The following LRBA variants were observed in gnomAD, a reference collection of about 807,000 sequenced individuals.
The protein encoded by LRBA is LPS responsive beige-like anchor protein.
LRBA carries 176 observed loss-of-function variants against 330.0 expected under a neutral mutation model. That is an observed-to-expected ratio of 0.53 (90% CI 0.47 to 0.60). The LOEUF (loss-of-function observed/expected upper bound fraction) is 0.60, where lower values mean the gene tolerates loss of function less well. LRBA is among the 20% of genes least tolerant of loss of function. LRBA has a pLI of 0.00. For synonymous variants in LRBA, 1,230 were observed against 1,193.0 expected (o/e 1.03, Z -0.64); for missense variants, 3,259 against 3,444.8 (o/e 0.95, Z 1.35).
chr4:150,828,922 G>GGTGTGTGTGTGTGTGT (rs753950457), intron 29 of LRBA, among the ~76,000 whole-genome samples: 35 of 106,176 alleles, frequency 3.3e-4, no homozygotes, highest in African/African-American at 9.0e-4. Context: ...CTTTTTTGGG[G>GGTGTGTGTGTGTGTGT]GTGTGTGTGT....
At chr4:150,852,992 C>T in intron 22 of LRBA, 49 bp from the exon 23 acceptor site, 1 of 1,083,518 alleles carries the variant, frequency 9.2e-7, no homozygotes, top group South Asian at 2.0e-5. Context: ...GAAATGAAGA[C>T]AGAATACAAA....
At chr4:150,382,247 C>G (rs867574886) in intron 47 of LRBA, among the ~76,000 whole-genome samples, 2 of 152,130 alleles carry the variant, frequency 1.3e-5, no homozygotes, top group African/African-American at 4.8e-5. Flanking sequence ...AAAATTGGCT[C>G]TAGCCTATCA....
At chr4:150,865,346 C>A (rs950103271) in intron 22 of LRBA, among the ~76,000 whole-genome samples, 5 of 152,116 alleles carry the variant, frequency 3.3e-5, no homozygotes, top group African/African-American at 9.7e-5. Context: ...GGGGCCATGT[C>A]GTTGATGTAA....
intron 28 of LRBA, among the ~76,000 whole-genome samples, chr4:150,843,734 C>G (rs1167292791): frequency 5.3e-5 from 8 of 152,138 alleles, no homozygotes; most frequent in Admixed American, 3.3e-4. Context: ...TTTATCAACA[C>G]TAGCTTGGAG....
At chr4:150,557,379 G>T (rs899348706) in intron 40 of LRBA, among the ~76,000 whole-genome samples, 1 of 151,972 alleles carries the variant, frequency 6.6e-6, no homozygotes, top group African/African-American at 2.4e-5. Context: ...AAGAAGACGC[G>T]ATATGGGAAA....
intron 55 of LRBA, among the ~76,000 whole-genome samples, chr4:150,279,349 T>C (rs1262243858): frequency 6.6e-6 from 1 of 152,208 alleles, no homozygotes; most frequent in Non-Finnish European, 1.5e-5. Context: ...AGCCTTGCTT[T>C]CTTAGCTTAT....
chr4:150,816,431 C>T (rs1744600656), intron 31 of LRBA, among the ~76,000 whole-genome samples: 1 of 151,824 alleles, frequency 6.6e-6, no homozygotes, highest in African/African-American at 2.4e-5. Context: ...TTCAAGTTTA[C>T]CCAGTATCAC....
At chr4:150,849,727 C>T in intron 24 of LRBA, 152 bp from the exon 25 acceptor site, 1 of 618,708 alleles carries the variant, frequency 1.6e-6, no homozygotes, top group Non-Finnish European at 2.9e-6. Flanking sequence ...GTGTATACTT[C>T]TTCAGAAGAA....
chr4:150,301,577 AG>A (rs1729685293), intron 53 of LRBA, among the ~76,000 whole-genome samples: 2 of 150,954 alleles, frequency 1.3e-5, no homozygotes, highest in African/African-American at 2.4e-5. Context: ...ACATTATACT[AG>A]CATTTGACTA....
At chr4:150,809,468 G>C (rs911911833) in intron 31 of LRBA, among the ~76,000 whole-genome samples, 2 of 152,156 alleles carry the variant, frequency 1.3e-5, no homozygotes, top group African/African-American at 4.8e-5. Context: ...TATGTCAAAG[G>C]ACAATGAAGC....
rs1261598688 is a variant in LRBA at position 150,264,685 on chromosome 4, T to C, written c.*1037A>G. Reference sequence around the variant, plus strand: ...TCACAACATACAAAGAATTTATTTATGCAATACAGGCCTTTTCTCAAATAT... The same window carrying C: ...TCACAACATACAAAGAATTTATTTACGCAATACAGGCCTTTTCTCAAATAT... On this transcript the variant is annotated 3_prime_UTR_variant, in exon 57 of 57. Coordinates refer to ENST00000651943, the MANE Select transcript of LRBA (RefSeq NM_001364905.1). 1 of 152,686 alleles carries C rather than the reference T, an allele frequency of 6.5e-6. No homozygotes were observed. Among genetic ancestry groups the C allele is most frequent in the South Asian group, 2.1e-4 (1 of 4,834 alleles). The allele number at this position is 152,686 out of a possible 1,614,324, so 9.5% of individuals were successfully genotyped here.
chr4:150,471,407 C>T (rs1468752870), intron 43 of LRBA, among the ~76,000 whole-genome samples: 1 of 152,160 alleles, frequency 6.6e-6, no homozygotes, highest in African/African-American at 2.4e-5. Flanking sequence ...GAATCTATAT[C>T]CCCTTGCTCT....
chr4:150,721,148 T>G, intron 36 of LRBA: 1 of 587,164 alleles, frequency 1.7e-6, no homozygotes. Context: ...TTGAGCAATG[T>G]GCAATGGCCA....
At chr4:150,869,283 C>T (rs540666687) in intron 20 of LRBA, among the ~76,000 whole-genome samples, 19 of 152,196 alleles carry the variant, frequency 1.2e-4, no homozygotes, top group Admixed American at 9.8e-4. Flanking sequence ...AAATTAGACA[C>T]AAAAAACCCA....
chr4:150,784,650 G>C (rs1306640272), intron 34 of LRBA, among the ~76,000 whole-genome samples: 1 of 152,116 alleles, frequency 6.6e-6, no homozygotes, highest in Admixed American at 6.5e-5. Context: ...ACTGCATTTG[G>C]GGTTCCCTCT....
chr4:150,330,539 G>A (rs1733851801), intron 48 of LRBA, among the ~76,000 whole-genome samples: 3 of 152,252 alleles, frequency 2.0e-5, no homozygotes, highest in African/African-American at 7.2e-5. Context: ...GGATGAAACC[G>A]TTTTACCTGA....
At chr4:150,805,285 GAAGGAAAGGA>G (rs70941449) in intron 33 of LRBA, among the ~76,000 whole-genome samples, 1,009 of 39,226 alleles carry the variant, frequency 0.026, 25 homozygotes, top group African/African-American at 0.068. Context: ...AAGGAAAGGA[GAAGGAAAGGA>G]AAGGAAAGGA....
intron 38 of LRBA, chr4:150,597,009 G>T (rs563456082): frequency 4.1e-6 from 3 of 723,164 alleles, no homozygotes; most frequent in East Asian, 6.0e-5. Flanking sequence ...TATTTCAAAC[G>T]CAAGTTTTGT....
At chr4:150,742,645 C>A (rs956597111) in intron 35 of LRBA, among the ~76,000 whole-genome samples, 1 of 151,992 alleles carries the variant, frequency 6.6e-6, no homozygotes, top group Admixed American at 6.6e-5. Flanking sequence ...TGCCTACAAT[C>A]CCAGCACGTA....
Sources: gnomAD v4.1 joint callset for allele counts (sites outside exome capture counted in the v4.1 genomes callset) on GRCh38, gnomAD v4.1.1 for gene constraint, MANE v1.5 for transcripts, NCBI Gene and HGNC (gene_info 2026-07-23, HGNC 2026-07-21) for gene names.